The following MCM9 variants were observed in gnomAD, a reference collection of about 807,000 sequenced individuals.
MCM9 encodes DNA helicase MCM9.
Under a neutral mutation model 72.8 loss-of-function variants are expected in MCM9, and 55 were observed. That is an observed-to-expected ratio of 0.76 (90% CI 0.61 to 0.95). The LOEUF is 0.95. MCM9 is among the 40% of genes least tolerant of loss of function. The pLI is 0.00. For missense variants in MCM9, 1,279 were observed against 1,377.0 expected, an observed-to-expected ratio of 0.93 and a Z score of 1.13; for synonymous variants, 480 against 503.4, an observed-to-expected ratio of 0.95 and a Z score of 0.62.
chr6:118,901,156 G>T (rs531137536), intron 8 of MCM9: 15 of 240,442 alleles, frequency 6.2e-5, no homozygotes, highest in Non-Finnish European at 8.0e-5. Context: ...GGCACACAGG[G>T]TGGTGAATTT....
chr6:118,836,860 A>G (rs1774994468), intron 9 of MCM9, among the ~76,000 whole-genome samples: 1 of 151,814 alleles, frequency 6.6e-6, no homozygotes, highest in Non-Finnish European at 1.5e-5. Context: ...CTCTGATCTT[A>G]GTTATTTCTT....
At position 118,844,159 on chromosome 6, in the gene MCM9, A is replaced by G. The variant is rs576129584; in HGVS notation, c.1325+12212T>C. Among the ~76,000 whole-genome samples, 6 of 152,022 alleles carry G rather than the reference A, an allele frequency of 3.9e-5. No homozygotes were observed. In the East Asian group the frequency reaches 5.8e-4, roughly 15 times the overall value. On this transcript the variant is annotated intron_variant, in intron 9 of 13. Coordinates refer to ENST00000619706, the MANE Select transcript of MCM9 (RefSeq NM_017696.3). ...CTATTAATTAACTTCACGGCATGCT[A>G]TAAGTCTCTAGAGACATTTTCTCAA...
chr6:118,819,859 G>A (rs958332275), intron 13 of MCM9, among the ~76,000 whole-genome samples: 1 of 152,156 alleles, frequency 6.6e-6, no homozygotes. Context: ...GAGGGTTTAT[G>A]TGTCCAGAAA....
intron 8 of MCM9, among the ~76,000 whole-genome samples, chr6:118,863,407 G>A (rs1431367548): frequency 6.6e-6 from 1 of 152,172 alleles, no homozygotes; most frequent in Non-Finnish European, 1.5e-5. Context: ...TATGCTAAGT[G>A]AGGAGAGAAA....
At chr6:118,911,932 C>A in intron 7 of MCM9, 163 bp from the exon 8 acceptor site, 1 of 508,900 alleles carries the variant, frequency 2.0e-6, no homozygotes, top group South Asian at 3.3e-5. Context: ...CATAAACAGT[C>A]CTTAATTGAT....
At chr6:118,854,868 C>T (rs566808210) in intron 9 of MCM9, among the ~76,000 whole-genome samples, 1 of 152,212 alleles carries the variant, frequency 6.6e-6, no homozygotes, top group South Asian at 2.1e-4. Flanking sequence ...TAATGTATAA[C>T]CCTTTTTATA....
intron 8 of MCM9, among the ~76,000 whole-genome samples, chr6:118,867,640 G>C (rs1011494196): frequency 6.6e-6 from 1 of 152,092 alleles, no homozygotes; most frequent in African/African-American, 2.4e-5. Context: ...ATGCTGTACA[G>C]GTTTGTAGCC....
chr6:118,869,230 G>C (rs866869001), intron 8 of MCM9, among the ~76,000 whole-genome samples: 10 of 152,142 alleles, frequency 6.6e-5, no homozygotes, highest in Admixed American at 3.3e-4. Flanking sequence ...TGGACACAAG[G>C]TGGGGAACAT....
At chr6:118,907,282 T>C in intron 8 of MCM9, 1 of 658,676 alleles carries the variant, frequency 1.5e-6, no homozygotes, top group East Asian at 2.7e-5. Flanking sequence ...AATTATACCT[T>C]TGTATATGAA....
At chr6:118,883,998 G>T (rs936016226) in intron 8 of MCM9, among the ~76,000 whole-genome samples, 2 of 152,160 alleles carry the variant, frequency 1.3e-5, no homozygotes, top group African/African-American at 4.8e-5. Context: ...GTATATAATT[G>T]TATTGTTGGG....
At chr6:118,909,182 G>A (rs1449276556) in intron 8 of MCM9, 3 of 152,124 alleles carry the variant, frequency 2.0e-5, no homozygotes, top group Non-Finnish European at 4.4e-5. Flanking sequence ...GAGCTCAGTG[G>A]TTAATATAAT....
intron 8 of MCM9, chr6:118,894,294 C>T: frequency 6.7e-7 from 1 of 1,483,218 alleles, no homozygotes; most frequent in Non-Finnish European, 8.9e-7. Flanking sequence ...CTCAAGTCGC[C>T]GCTGCACGAC....
chr6:118,839,266 A>G (rs948362969), intron 9 of MCM9, among the ~76,000 whole-genome samples: 5 of 151,718 alleles, frequency 3.3e-5, no homozygotes, highest in African/African-American at 1.2e-4. Context: ...TATGTTTTTC[A>G]GCTCCGTCAG....
At chr6:118,922,798 G>A (rs938340573) in intron 4 of MCM9, among the ~76,000 whole-genome samples, 6 of 152,074 alleles carry the variant, frequency 3.9e-5, no homozygotes, top group South Asian at 2.1e-4. Flanking sequence ...TTGGGAGGCC[G>A]AGGTGGGTGG....
chr6:118,862,184 C>T (rs902651607), intron 8 of MCM9, among the ~76,000 whole-genome samples: 3 of 152,208 alleles, frequency 2.0e-5, no homozygotes, highest in Non-Finnish European at 4.4e-5. Context: ...GGGGGGCTTC[C>T]TGGGCCCCCA....
At chr6:118,904,820 A>G (rs991882896) in intron 8 of MCM9, among the ~76,000 whole-genome samples, 1 of 152,116 alleles carries the variant, frequency 6.6e-6, no homozygotes, top group Admixed American at 6.5e-5. Flanking sequence ...CTATGTAGCT[A>G]TTTCCATCTC....
rs34213490 is a variant in MCM9 at position 118,924,035 on chromosome 6, T to C, written c.397A>G (p.Thr133Ala). The change falls in exon 4 of 14, where the codon ACA (threonine) becomes GCA (alanine). Residue 133 changes from threonine to alanine, a missense_variant. Coordinates refer to ENST00000619706, the MANE Select transcript of MCM9 (RefSeq NM_017696.3). ...FLSVTGTVIR[T>A]SLVKVLEFER... The stretch of plus-strand genomic sequence containing the variant: ...AACTCCAGAACCTTCACCAGACTTG[T>C]TCGAATCACTGTCCCAGTGACAGAT... The C allele has an allele frequency of 1.4e-3, 2,200 of 1,614,206 alleles. 20 individuals carry two copies. The African/African-American group carries it at 0.023, about 17-fold the overall frequency.
chr6:118,865,154 A>G (rs574989513), intron 8 of MCM9, among the ~76,000 whole-genome samples: 2 of 152,258 alleles, frequency 1.3e-5, no homozygotes, highest in African/African-American at 4.8e-5. Flanking sequence ...TGTGTCCTAA[A>G]CTTCCTATCT....
chr6:118,816,473 A>G (rs928145098), intron 13 of MCM9, among the ~76,000 whole-genome samples, 179 bp from the exon 14 acceptor site: 7 of 152,204 alleles, frequency 4.6e-5, no homozygotes, highest in African/African-American at 9.7e-5. Context: ...TTAAATCAAT[A>G]TACAATTTAC....
Sources: allele counts gnomAD v4.1 joint callset (sites outside exome capture counted in the v4.1 genomes callset), GRCh38; gene constraint gnomAD v4.1.1; transcripts MANE v1.5; gene names NCBI Gene and HGNC (gene_info 2026-07-23, HGNC 2026-07-21).